The following LIMCH1 variants were observed in gnomAD, a reference collection of about 807,000 sequenced individuals.
LIMCH1 encodes LIM and calponin homology domains 1, also known as LIM and calponin homology domains-containing protein 1.
A neutral mutation model predicts 176.5 loss-of-function variants in LIMCH1; 113 were observed. The observed-to-expected ratio is 0.64, with a 90% CI of 0.55 to 0.75. The LOEUF (loss-of-function observed/expected upper bound fraction) is 0.75. Among genes scored for constraint, LIMCH1 ranks in the 30% least tolerant of loss-of-function variants. The pLI is 0.00. For missense variants in LIMCH1, 1,674 were observed against 1,814.9 expected (o/e 0.92, Z 1.41); for synonymous variants, 619 against 645.9 (o/e 0.96, Z 0.63).
intron 1 of LIMCH1, among the ~76,000 whole-genome samples, chr4:41,577,630 A>G (rs955034463): frequency 1.7e-4 from 26 of 152,092 alleles, no homozygotes; most frequent in African/African-American, 5.8e-4. Flanking sequence ...GGGTCACCCT[A>G]TGTTGCTCAG....
At chr4:41,441,261 C>G (rs1382250793) in intron 1 of LIMCH1, among the ~76,000 whole-genome samples, 1 of 152,154 alleles carries the variant, frequency 6.6e-6, no homozygotes, top group East Asian at 1.9e-4. Context: ...AAATGAAAAC[C>G]AAACAGCTTC....
intron 1 of LIMCH1, among the ~76,000 whole-genome samples, chr4:41,420,677 G>T (rs2060531816): frequency 6.6e-6 from 1 of 152,172 alleles, no homozygotes; most frequent in Admixed American, 6.5e-5. Context: ...GGGCCAACGT[G>T]CTGGCCTCCG....
intron 1 of LIMCH1, among the ~76,000 whole-genome samples, chr4:41,583,552 T>C (rs1352011912): frequency 1.3e-5 from 2 of 152,204 alleles, no homozygotes; most frequent in Admixed American, 6.5e-5. Flanking sequence ...ATTTTGAATA[T>C]ACTTTTTTTT....
intron 1 of LIMCH1, among the ~76,000 whole-genome samples, chr4:41,561,133 C>T (rs1322583290): frequency 6.6e-6 from 1 of 152,212 alleles, no homozygotes; most frequent in Admixed American, 6.5e-5. Context: ...TAGAAGCTGC[C>T]AGGCTCTTTC....
At chr4:41,586,559 A>G (rs1027694165) in intron 1 of LIMCH1, among the ~76,000 whole-genome samples, 3 of 152,236 alleles carry the variant, frequency 2.0e-5, no homozygotes, top group Non-Finnish European at 2.9e-5. Flanking sequence ...TAGATAGTTT[A>G]AGCAGTTTTA....
At chr4:41,482,074 C>T (rs2068747356) in intron 1 of LIMCH1, among the ~76,000 whole-genome samples, 1 of 152,156 alleles carries the variant, frequency 6.6e-6, no homozygotes, top group African/African-American at 2.4e-5. Context: ...TGGTCTCCAG[C>T]TTCTGGCCTA....
chr4:41,587,492 A>G (rs2086692327), intron 1 of LIMCH1, among the ~76,000 whole-genome samples: 3 of 152,182 alleles, frequency 2.0e-5, no homozygotes, highest in Admixed American at 2.0e-4. Flanking sequence ...TTCGTGTGGA[A>G]GAAACTCATG....
intron 7 of LIMCH1, among the ~76,000 whole-genome samples, chr4:41,626,389 C>T (rs1361293112): frequency 6.6e-6 from 1 of 152,158 alleles, no homozygotes; most frequent in Non-Finnish European, 1.5e-5. Context: ...TAACAAAAAG[C>T]TTCCCATTTT....
chr4:41,633,035 T>C lies in LIMCH1; in HGVS notation c.1779T>C (p.Asp593=). 3.3e-6 allele frequency: 5 copies of C among 1,536,028 alleles called. No homozygotes were observed. Among genetic ancestry groups the C allele is most frequent in the Non-Finnish European group, 2.6e-6 (3 of 1,146,902 alleles). Residue 593 remains aspartate, a synonymous_variant, in exon 12 of 32, where the codon GAT becomes GAC. Coordinates refer to ENST00000503057, the MANE Select transcript of LIMCH1 (RefSeq NM_001330672.2). ...GKEETESAPR[D]SERLSKAERS... ...AAGAAACAGAAAGCGCTCCAAGAGA[T>C]TCTGAGAGGCTGTCAAAGGCAGAAA...
intron 21 of LIMCH1, chr4:41,670,804 A>G: frequency 6.5e-7 from 1 of 1,535,724 alleles, no homozygotes; most frequent in South Asian, 1.2e-5. Flanking sequence ...TAAACTGCAT[A>G]CTGGGTAGCT....
chr4:41,608,265 C>A (rs2090991370), intron 4 of LIMCH1, among the ~76,000 whole-genome samples: 1 of 152,192 alleles, frequency 6.6e-6, no homozygotes, highest in Non-Finnish European at 1.5e-5. Flanking sequence ...TCCATGCTCT[C>A]CCTTTAAACA....
intron 8 of LIMCH1, among the ~76,000 whole-genome samples, chr4:41,628,498 T>C (rs980065780): frequency 2.0e-5 from 3 of 151,788 alleles, no homozygotes; most frequent in Non-Finnish European, 4.4e-5. Context: ...CTAAGAAAAT[T>C]CTATAGCCTT....
At chr4:41,637,974 A>T (rs1175269397) in intron 13 of LIMCH1, among the ~76,000 whole-genome samples, 1 of 152,184 alleles carries the variant, frequency 6.6e-6, no homozygotes, top group Non-Finnish European at 1.5e-5. Flanking sequence ...AGCAGGACGT[A>T]TTTTCTTCAC....
At chr4:41,451,395 G>A (rs574857540) in intron 1 of LIMCH1, among the ~76,000 whole-genome samples, 1 of 152,088 alleles carries the variant, frequency 6.6e-6, no homozygotes, top group South Asian at 2.1e-4. Flanking sequence ...CAAAGTGCTG[G>A]GATTACAGGC....
chr4:41,457,573 C>T (rs1272350831), intron 1 of LIMCH1, among the ~76,000 whole-genome samples: 3 of 152,064 alleles, frequency 2.0e-5, no homozygotes, highest in Non-Finnish European at 4.4e-5. Flanking sequence ...AAAACAGTGG[C>T]CCAGGGAGGC....
At chr4:41,441,461 T>G (rs1018858791) in intron 1 of LIMCH1, among the ~76,000 whole-genome samples, 1 of 152,172 alleles carries the variant, frequency 6.6e-6, no homozygotes, top group Non-Finnish European at 1.5e-5. Context: ...TTTTTCACTT[T>G]GGTAAAGACA....
At chr4:41,678,914 T>C (rs1713366232) in intron 23 of LIMCH1, among the ~76,000 whole-genome samples, 1 of 152,166 alleles carries the variant, frequency 6.6e-6, no homozygotes, top group Admixed American at 6.5e-5. Context: ...CTGAAGTCCC[T>C]CTCTAAAACT....
intron 14 of LIMCH1, among the ~76,000 whole-genome samples, chr4:41,640,247 T>G (rs749464862): frequency 6.6e-6 from 1 of 152,234 alleles, no homozygotes; most frequent in Non-Finnish European, 1.5e-5. Flanking sequence ...TAACATTCAC[T>G]GAAAGGAGGA....
chr4:41,647,052 T>C (rs1049831398), intron 17 of LIMCH1, among the ~76,000 whole-genome samples, 159 bp downstream of exon 17: 1 of 152,206 alleles, frequency 6.6e-6, no homozygotes, highest in Non-Finnish European at 1.5e-5. Flanking sequence ...GAGATTTGGT[T>C]TGTAAATGCT....
Sources: gnomAD v4.1 joint callset for allele counts (sites outside exome capture counted in the v4.1 genomes callset) on GRCh38, gnomAD v4.1.1 for gene constraint, MANE v1.5 for transcripts, NCBI Gene and HGNC (gene_info 2026-07-23, HGNC 2026-07-21) for gene names.